Variants in SPIRE2 observed in about 807,000 individuals in gnomAD.
SPIRE2 encodes the protein spire type actin nucleation factor 2.
Under a neutral mutation model 80.7 loss-of-function variants are expected in SPIRE2, and 76 were observed. The ratio of observed to expected loss-of-function variants is 0.94; its 90% CI spans 0.78 to 1.14. SPIRE2 has a LOEUF of 1.14. SPIRE2 is among the 50% of genes most tolerant of loss of function. The pLI, the probability that SPIRE2 is intolerant of heterozygous loss-of-function variation, is 0.00. For missense variants in SPIRE2, 1,196 were observed against 1,015.3 expected (o/e 1.18, Z -2.42); for synonymous variants, 535 against 432.6 (o/e 1.24, Z -2.94).
At chr16:89,833,698 G>A (rs139682775) in intron 1 of SPIRE2, among the ~76,000 whole-genome samples, 20 of 152,348 alleles carry the variant, frequency 1.3e-4, no homozygotes, top group African/African-American at 4.8e-4. Context: ...ACTGGCCAGT[G>A]GAGGTGGCAG....
intron 3 of SPIRE2, among the ~76,000 whole-genome samples, chr16:89,853,405 C>G (rs963904853): frequency 6.6e-6 from 1 of 152,182 alleles, no homozygotes; most frequent in African/African-American, 2.4e-5. Context: ...AGGGTCTCTC[C>G]ATGGGGTGTA....
Position 89,870,367 on chromosome 16 carries a change from G to T in SPIRE2, c.*95G>T. 2 of 678,922 alleles carry T rather than the reference G, an allele frequency of 2.9e-6. No homozygotes were observed. The highest frequency in any genetic ancestry group is 5.1e-6 in the Non-Finnish European group (2 of 394,864). 42.1% of individuals were successfully genotyped at this position (678,922 alleles called of 1,614,324 possible). A position where few individuals can be genotyped will look rare whatever the true frequency, so the allele number is the denominator to read the frequency against. On this transcript the variant is annotated 3_prime_UTR_variant, in exon 15 of 15. Coordinates refer to ENST00000378247, the MANE Select transcript of SPIRE2 (RefSeq NM_032451.2). ...GTGCATGTACATATATACATATATA[G>T]ATACATTTATAATATATACACACAG...
intron 9 of SPIRE2, among the ~76,000 whole-genome samples, chr16:89,860,222 G>T (rs1420438436): frequency 2.0e-5 from 3 of 152,166 alleles, no homozygotes; most frequent in Non-Finnish European, 4.4e-5. Context: ...TACCACATGG[G>T]CCCCGATGAA....
intron 14 of SPIRE2, 85 bp downstream of exon 14, chr16:89,869,767 TTGTCTG>T: frequency 9.6e-7 from 1 of 1,045,482 alleles, no homozygotes; most frequent in Non-Finnish European, 1.5e-6. Flanking sequence ...GGGGCTGGCT[TTGTCTG>T]TTTGCTAGGA....
intron 5 of SPIRE2, among the ~76,000 whole-genome samples, 160 bp from the exon 6 acceptor site, chr16:89,855,440 G>T (rs771997305): frequency 3.9e-5 from 6 of 152,136 alleles, no homozygotes; most frequent in Non-Finnish European, 7.4e-5. Context: ...TGGATCTGCC[G>T]TGCGTTTACC....
At chr16:89,845,581 G>C (rs1396033087) in intron 2 of SPIRE2, 1 of 703,912 alleles carries the variant, frequency 1.4e-6, no homozygotes, top group Non-Finnish European at 2.6e-6. Context: ...GGTCCCCGTG[G>C]TGCTTCCGGC....
rs570739956 is a variant in SPIRE2, at chr16:89,845,161, C to T, written c.245-161C>T. Among the ~76,000 whole-genome samples, 6 of 152,250 alleles carry T rather than the reference C, an allele frequency of 3.9e-5. No homozygotes were observed. In the South Asian group the frequency reaches 1.0e-3, roughly 26 times the overall value. Reference sequence around the variant, plus strand: ...GCTCGAGCCGGGCCTCATGGGTGTTCGTCCAAATGACCAAGTGGCTGGGCC... The same window carrying T: ...GCTCGAGCCGGGCCTCATGGGTGTTTGTCCAAATGACCAAGTGGCTGGGCC... On this transcript the variant is annotated intron_variant, in intron 1 of 14. Coordinates refer to ENST00000378247, the MANE Select transcript of SPIRE2 (RefSeq NM_032451.2).
At chr16:89,839,024 C>T (rs1317908426) in intron 1 of SPIRE2, among the ~76,000 whole-genome samples, 2 of 150,370 alleles carry the variant, frequency 1.3e-5, no homozygotes, top group South Asian at 2.2e-4. Context: ...CTCAAGTGGA[C>T]ACATCTGTGT....
Position 89,858,322 on chromosome 16 carries a change from G to T in SPIRE2, c.1103-16G>T. 3 of 1,568,578 alleles carry T rather than the reference G, an allele frequency of 1.9e-6. No individual in the cohort carries two copies. The highest frequency in any genetic ancestry group is 1.7e-6 in the Non-Finnish European group (2 of 1,156,232). ...CCGTTCACTGGCCCGTCCTGCCTCGGCTCCCGTCTCCCCAGGGTTTGGCTC... is the reference window on the plus strand; with the variant it reads ...CCGTTCACTGGCCCGTCCTGCCTCGTCTCCCGTCTCCCCAGGGTTTGGCTC... On this transcript the variant is annotated splice_polypyrimidine_tract_variant and intron_variant, in intron 7 of 14. Coordinates refer to ENST00000378247, the MANE Select transcript of SPIRE2 (RefSeq NM_032451.2).
At chr16:89,868,299 C>A in intron 13 of SPIRE2, 83 bp downstream of exon 13, 2 of 1,365,892 alleles carry the variant, frequency 1.5e-6, no homozygotes, top group Non-Finnish European at 2.1e-6. Flanking sequence ...TTGGATGATG[C>A]TGCCTCACCA....
chr16:89,830,846 A>G (rs1345598871), intron 1 of SPIRE2, among the ~76,000 whole-genome samples: 1 of 150,860 alleles, frequency 6.6e-6, no homozygotes, highest in Admixed American at 6.6e-5. Context: ...CAAGATTAGG[A>G]AAAAAATGAC....
intron 7 of SPIRE2, 75 bp from the exon 8 acceptor site, chr16:89,858,263 C>G: frequency 7.2e-7 from 1 of 1,396,396 alleles, no homozygotes; most frequent in South Asian, 1.6e-5. Context: ...CCAGCTGGTG[C>G]ACACAAAGCT....
intron 9 of SPIRE2, 75 bp from the exon 10 acceptor site, chr16:89,860,608 A>G (rs1208249256): frequency 1.1e-5 from 11 of 1,035,488 alleles, no homozygotes; most frequent in Non-Finnish European, 1.6e-5. Context: ...CACCATCTCT[A>G]TCATCCCCTG....
chr16:89,860,974 G>C (rs187463300), intron 10 of SPIRE2, among the ~76,000 whole-genome samples, 179 bp downstream of exon 10: 56 of 152,268 alleles, frequency 3.7e-4, no homozygotes, highest in African/African-American at 1.3e-3. Context: ...CTGCTGGTCT[G>C]GGGCCGTGGT....
intron 1 of SPIRE2, among the ~76,000 whole-genome samples, chr16:89,843,270 G>C (rs531430290): frequency 6.6e-6 from 1 of 152,140 alleles, no homozygotes; most frequent in South Asian, 2.1e-4. Context: ...TTCATCCTCC[G>C]GTCTCTGTTT....
chr16:89,841,913 A>G (rs2041509474), intron 1 of SPIRE2, among the ~76,000 whole-genome samples: 1 of 151,620 alleles, frequency 6.6e-6, no homozygotes, highest in Non-Finnish European at 1.5e-5. Context: ...TTTTTAGGAG[A>G]GGTGGGGTTT....
intron 12 of SPIRE2, among the ~76,000 whole-genome samples, chr16:89,864,454 T>A (rs1005370080): frequency 1.3e-5 from 2 of 152,246 alleles, no homozygotes; most frequent in African/African-American, 2.4e-5. Flanking sequence ...CGGCCTGTTT[T>A]GCAAGTAAAA....
intron 2 of SPIRE2, among the ~76,000 whole-genome samples, chr16:89,849,203 T>G (rs1455146627): frequency 1.3e-5 from 2 of 152,200 alleles, no homozygotes. Context: ...CCCCAGGAAG[T>G]GGACAGTGCC....
At chr16:89,856,335 G>T in intron 7 of SPIRE2, 99 bp downstream of exon 7, 2 of 1,366,412 alleles carry the variant, frequency 1.5e-6, no homozygotes, top group South Asian at 1.6e-5. Flanking sequence ...GCGTCTCCCT[G>T]AGGGCGCCTG....
Sources: allele counts gnomAD v4.1 joint callset (sites outside exome capture counted in the v4.1 genomes callset), GRCh38; gene constraint gnomAD v4.1.1; transcripts MANE v1.5; gene names NCBI Gene and HGNC (gene_info 2026-07-23, HGNC 2026-07-21).